The following TSPAN1 variants were observed in gnomAD, a reference collection of about 807,000 sequenced individuals.
The protein encoded by TSPAN1 is tetraspanin 1, also known as tetraspanin-1.
TSPAN1 carries 23 observed loss-of-function variants against 26.9 expected under a neutral mutation model. That is an observed-to-expected ratio of 0.85 (90% CI 0.62 to 1.21). The LOEUF is 1.21. Ranked by LOEUF, TSPAN1 falls within the 50% of genes most tolerant of loss-of-function variation. The pLI is 0.00. For synonymous variants in TSPAN1, 115 were observed against 114.8 expected, an observed-to-expected ratio of 1.00 and a Z score of -0.01; for missense variants, 283 against 298.4, an observed-to-expected ratio of 0.95 and a Z score of 0.38.
At chr1:46,194,722 C>A in the TSPAN1 span, 66 of 1,614,126 alleles carry the variant, frequency 4.1e-5, no homozygotes, top group African/African-American at 7.3e-4. Flanking sequence ...CATCTCCCTG[C>A]CTACTTTCAT....
the TSPAN1 span, chr1:46,192,812 T>C: frequency 1.3e-6 from 2 of 1,581,072 alleles, no homozygotes; most frequent in South Asian, 1.1e-5. Context: ...TGTGAGCTCA[T>C]GTCCTCCAGA....
At chr1:46,190,847 ACCAG>A, downstream of TSPAN1, 1 of 1,442,950 alleles carries the variant, frequency 6.9e-7, no homozygotes, top group Non-Finnish European at 9.8e-7. Flanking sequence ...CCACTTGCTG[ACCAG>A]CCAGACATCT....
chr1:46,176,379 A>T, intron 1 of TSPAN1: 1 of 1,535,722 alleles, frequency 6.5e-7, no homozygotes, highest in Non-Finnish European at 8.7e-7. Flanking sequence ...ACATCCTGGG[A>T]AATCGGGGCC....
At chr1:46,191,098 C>T in the TSPAN1 span, 1 of 372,816 alleles carries the variant, frequency 2.7e-6, no homozygotes, top group Non-Finnish European at 5.2e-6. Flanking sequence ...CCACAGATGT[C>T]AGAAACAGGC....
Position 46,184,984 on chromosome 1 carries a change from T to C in TSPAN1, c.463T>C (p.Tyr155His), listed in dbSNP as rs776566262. The C allele has an allele frequency of 6.2e-7, 1 of 1,614,092 alleles. No homozygotes were observed. Among genetic ancestry groups the C allele is most frequent in the Non-Finnish European group, 8.5e-7 (1 of 1,180,046 alleles). Residue 155 changes from tyrosine (Y) to histidine (H), a missense_variant, in exon 7 of 9, where the codon TAT becomes CAT. Physicochemically the swap from Tyr to His is moderately conservative, Grantham distance 83. Transcript: ENST00000372003. ...GCTCAAGTGCTGTGGCTTCACCAAC[T>C]ATACGGATTTTGAGGACTCACCCTA... Reference protein sequence around the residue: ...KGLKCCGFTNYTDFEDSPYFK... With the variant: ...KGLKCCGFTNHTDFEDSPYFK...
chr1:46,182,084 A>C (rs549762131), intron 3 of TSPAN1, among the ~76,000 whole-genome samples: 43 of 151,640 alleles, frequency 2.8e-4, no homozygotes, highest in Non-Finnish European at 5.4e-4. Flanking sequence ...GATGACGCCC[A>C]TATCTCTGGC....
At chr1:46,181,903 A>G (rs976758991) in intron 3 of TSPAN1, among the ~76,000 whole-genome samples, 1 of 152,218 alleles carries the variant, frequency 6.6e-6, no homozygotes. Context: ...GATATCGTTC[A>G]GAAAACCAGA....
At chr1:46,192,044 T>C in the TSPAN1 span, 1 of 1,564,226 alleles carries the variant, frequency 6.4e-7, no homozygotes, top group Non-Finnish European at 8.8e-7. Context: ...GAGTCCATGT[T>C]CTTGTTCTTG....
the TSPAN1 span, chr1:46,193,138 C>T: frequency 8.1e-6 from 13 of 1,613,812 alleles, no homozygotes; most frequent in South Asian, 1.1e-5. Flanking sequence ...ATGTTTCCCC[C>T]CTCCCAGGCC....
At chr1:46,181,979 G>C (rs535452934) in intron 3 of TSPAN1, among the ~76,000 whole-genome samples, 4 of 152,274 alleles carry the variant, frequency 2.6e-5, no homozygotes, top group African/African-American at 4.8e-5. Context: ...GATGGTGGTG[G>C]AGATAGGGAG....
At chr1:46,189,956 A>G (rs1246120938), downstream of TSPAN1, 3 of 1,614,152 alleles carry the variant, frequency 1.9e-6, no homozygotes, top group Admixed American at 1.7e-5. Context: ...AGTCTTCACA[A>G]GGGTTCTTGC....
chr1:46,192,312 T>C, the TSPAN1 span: 21 of 1,614,020 alleles, frequency 1.3e-5, no homozygotes, highest in Non-Finnish European at 1.4e-5. Flanking sequence ...AGTTACCTTT[T>C]CCGGTGTAGG....
At position 46,184,176 on chromosome 1, in the gene TSPAN1, CCTCT is replaced by C. The variant is rs773106772; in HGVS notation, c.58-9_58-6del. 6.8e-6 allele frequency: 11 copies of C among 1,613,770 alleles called. No individual in the cohort carries two copies. Among genetic ancestry groups the C allele is most frequent in the Non-Finnish European group, 9.3e-6 (11 of 1,179,812 alleles). On this transcript the variant is annotated splice_polypyrimidine_tract_variant and intron_variant, in intron 3 of 8. Coordinates refer to ENST00000372003, the MANE Select transcript of TSPAN1 (RefSeq NM_005727.4). ...CCAGCACTGTTTAAGGCCTGCCTGA[CCTCT>C]CTCTCCCCAGCTGTGTGGTGCAGCC...
the TSPAN1 span, chr1:46,193,926 C>T: frequency 6.2e-7 from 1 of 1,614,014 alleles, no homozygotes; most frequent in African/African-American, 1.3e-5. Context: ...TGTCTGGGAG[C>T]TGTGGGAGAA....
intron 3 of TSPAN1, among the ~76,000 whole-genome samples, chr1:46,182,364 A>G: frequency 7.1e-6 from 1 of 140,220 alleles, no homozygotes; most frequent in East Asian, 2.4e-4. Context: ...GGGGAGAGGA[A>G]AACAAGGAGA....
the TSPAN1 span, chr1:46,194,602 C>A: frequency 6.2e-7 from 1 of 1,614,232 alleles, no homozygotes; most frequent in Non-Finnish European, 8.5e-7. Context: ...CTGGGTCCCC[C>A]CAGGAAGAGA....
At chr1:46,189,804 A>G, downstream of TSPAN1, 1 of 1,611,330 alleles carries the variant, frequency 6.2e-7, no homozygotes, top group South Asian at 1.1e-5. Flanking sequence ...TTGGGGCAGT[A>G]TGTGTGTGAG....
rs373979689 is a variant in TSPAN1, at chr1:46,180,969, A to G, written c.-8-131A>G. On this transcript the variant is annotated intron_variant, in intron 2 of 8. Coordinates refer to ENST00000372003, the MANE Select transcript of TSPAN1 (RefSeq NM_005727.4). Reference sequence around the variant, plus strand: ...AAAAGGTCTGTGTCAGACCAGGTACAGGAGAAGCTTGGTGAGATATGGGTT... The same window carrying G: ...AAAAGGTCTGTGTCAGACCAGGTACGGGAGAAGCTTGGTGAGATATGGGTT... The G allele has an allele frequency of 2.2e-5, 16 of 719,136 alleles. No individual in the cohort carries two copies. In the Middle Eastern group the frequency reaches 1.2e-3, roughly 52 times the overall value. 44.5% of individuals were successfully genotyped at this position (719,136 alleles called of 1,614,324 possible). A position where few individuals can be genotyped will look rare whatever the true frequency, so the allele number is the denominator to read the frequency against.
the TSPAN1 span, chr1:46,194,513 C>A: frequency 6.2e-7 from 1 of 1,614,046 alleles, no homozygotes; most frequent in Non-Finnish European, 8.5e-7. Context: ...TGCCCACCCC[C>A]AGCCCAGGCC....
Sources: gnomAD v4.1 joint callset for allele counts (sites outside exome capture counted in the v4.1 genomes callset) on GRCh38, gnomAD v4.1.1 for gene constraint, MANE v1.5 for transcripts, NCBI Gene and HGNC (gene_info 2026-07-23, HGNC 2026-07-21) for gene names.